The following HECW2 variants were observed in gnomAD, a reference collection of about 807,000 sequenced individuals.
HECW2 encodes HECT, C2 and WW domain containing E3 ubiquitin protein ligase 2.
A neutral mutation model predicts 175.2 loss-of-function variants in HECW2; 61 were observed. The observed-to-expected ratio is 0.35, with a 90% CI of 0.28 to 0.43. The LOEUF is 0.43. Ranked by LOEUF, HECW2 falls within the 20% of genes least tolerant of loss-of-function variation. The pLI is 1.00. For synonymous variants in HECW2, 671 were observed against 731.0 expected (o/e 0.92, Z 1.32); for missense variants, 1,524 against 2,000.5 (o/e 0.76, Z 4.54).
Position 196,319,812 on chromosome 2 carries a change from T to G in HECW2, c.1078A>C (p.Ser360Arg). ...GAGCACACCTGGCTGTCGTGATGGC[T>G]CCCTGGCATGTCCTCGTCATCGGAA... ...SPSDDEDMPGSHHDSQVCSNG... is the reference protein window; with the variant it reads ...SPSDDEDMPGRHHDSQVCSNG... The change falls in exon 9 of 29, where the codon AGC becomes CGC. Residue 360 changes from serine to arginine, a missense_variant. Physicochemically the swap from Ser to Arg is moderately radical, Grantham distance 110. Around this residue, in one of 11 missense-constraint regions of HECW2, gnomAD observed 604 missense variants for 588.3 expected, o/e 1.03. Transcript: ENST00000644978. 1 of 1,614,196 alleles carries G rather than the reference T, an allele frequency of 6.2e-7. No homozygotes were observed. Among genetic ancestry groups the G allele is most frequent in the South Asian group, 1.1e-5 (1 of 91,082 alleles).
At chr2:196,231,092 CAAAAAAA>C (rs10653412) in intron 21 of HECW2, among the ~76,000 whole-genome samples, 2 of 55,338 alleles carry the variant, frequency 3.6e-5, no homozygotes, top group African/African-American at 8.6e-5. Context: ...GACTCCGTCT[CAAAAAAA>C]AAAAAAAAAA....
intron 5 of HECW2, 94 bp from the exon 6 acceptor site, chr2:196,325,243 A>G: frequency 1.1e-6 from 1 of 911,256 alleles, no homozygotes; most frequent in Non-Finnish European, 1.7e-6. Context: ...GGGACAGAAG[A>G]AGGAAGGATT....
At chr2:196,552,838 A>G (rs1282158699) in intron 1 of HECW2, among the ~76,000 whole-genome samples, 1 of 152,216 alleles carries the variant, frequency 6.6e-6, no homozygotes, top group Non-Finnish European at 1.5e-5. Context: ...TGAATCAGGG[A>G]AAGGAACTTC....
intron 1 of HECW2, among the ~76,000 whole-genome samples, chr2:196,507,661 C>A (rs1371925384): frequency 6.6e-6 from 1 of 152,174 alleles, no homozygotes. Flanking sequence ...TCTCATTATA[C>A]CCACTGCAAC....
chr2:196,535,042 C>T (rs1035837021), intron 1 of HECW2, among the ~76,000 whole-genome samples: 1 of 139,196 alleles, frequency 7.2e-6, no homozygotes, highest in Admixed American at 7.0e-5. Flanking sequence ...AACAAATTGT[C>T]AATATAACAA....
At chr2:196,403,455 CAG>C (rs1694876477) in intron 2 of HECW2, among the ~76,000 whole-genome samples, 1 of 152,132 alleles carries the variant, frequency 6.6e-6, no homozygotes, top group Non-Finnish European at 1.5e-5. Context: ...ATGAGAGATA[CAG>C]TAAACACAAA....
At chr2:196,551,675 T>C (rs574999495) in intron 1 of HECW2, among the ~76,000 whole-genome samples, 165 of 152,336 alleles carry the variant, frequency 1.1e-3, no homozygotes, top group Non-Finnish European at 1.9e-3. Context: ...AAATACAGTA[T>C]CTGATAACTT....
chr2:196,214,674 G>T (rs1309810661), intron 28 of HECW2, among the ~76,000 whole-genome samples: 1 of 152,190 alleles, frequency 6.6e-6, no homozygotes, highest in Non-Finnish European at 1.5e-5. Flanking sequence ...TGCGTGTGGG[G>T]TGGCCAAGGA....
At chr2:196,422,506 A>G (rs1559101382) in intron 2 of HECW2, among the ~76,000 whole-genome samples, 1 of 152,090 alleles carries the variant, frequency 6.6e-6, no homozygotes, top group South Asian at 2.1e-4. Context: ...ATAATCTAAT[A>G]TGGAAAAAAT....
At chr2:196,417,124 T>TA in intron 2 of HECW2, among the ~76,000 whole-genome samples, 1 of 152,258 alleles carries the variant, frequency 6.6e-6, no homozygotes, top group Admixed American at 6.5e-5. Context: ...ATGAGACCGA[T>TA]AGAGTCAATG....
At chr2:196,580,138 A>G (rs1229274955) in intron 1 of HECW2, among the ~76,000 whole-genome samples, 1 of 152,208 alleles carries the variant, frequency 6.6e-6, no homozygotes, top group East Asian at 1.9e-4. Context: ...AAACATAATG[A>G]TTATAAACAT....
At chr2:196,486,361 TAGC>T (rs1411608630) in intron 1 of HECW2, among the ~76,000 whole-genome samples, 1 of 152,222 alleles carries the variant, frequency 6.6e-6, no homozygotes, top group Non-Finnish European at 1.5e-5. Flanking sequence ...CCAGTGGGAC[TAGC>T]AGTTACACAG....
chr2:196,432,081 T>G (rs1575535239), intron 2 of HECW2, among the ~76,000 whole-genome samples: 1 of 152,058 alleles, frequency 6.6e-6, no homozygotes, highest in African/African-American at 2.4e-5. Flanking sequence ...CATTGTTGGA[T>G]GTTTTACAGC....
intron 28 of HECW2, among the ~76,000 whole-genome samples, chr2:196,211,113 T>G (rs573050300): frequency 6.6e-6 from 1 of 152,276 alleles, no homozygotes; most frequent in South Asian, 2.1e-4. Flanking sequence ...TTTTCAAAAA[T>G]TAACGCTTTT....
chr2:196,447,481 AT>A (rs1209103931), intron 1 of HECW2, among the ~76,000 whole-genome samples: 4 of 152,222 alleles, frequency 2.6e-5, no homozygotes, highest in African/African-American at 9.6e-5. Context: ...CTGGTAAAAG[AT>A]TCAGGAATTC....
chr2:196,305,071 A>G (rs867616659), intron 13 of HECW2, among the ~76,000 whole-genome samples: 1 of 152,324 alleles, frequency 6.6e-6, no homozygotes, highest in South Asian at 2.1e-4. Flanking sequence ...TTTGGAGTTA[A>G]TCGTCCACTC....
At chr2:196,557,108 A>G (rs1689820331) in intron 1 of HECW2, among the ~76,000 whole-genome samples, 1 of 152,150 alleles carries the variant, frequency 6.6e-6, no homozygotes. Context: ...TTTAAAAATT[A>G]TGTCTGGCAG....
chr2:196,273,626 G>A (rs1689830841), intron 16 of HECW2, among the ~76,000 whole-genome samples: 1 of 152,004 alleles, frequency 6.6e-6, no homozygotes, highest in African/African-American at 2.4e-5. Flanking sequence ...TATTTTGTGA[G>A]GCTGCTACAG....
At chr2:196,404,991 AT>A (rs35158305) in intron 2 of HECW2, among the ~76,000 whole-genome samples, 17 of 141,604 alleles carry the variant, frequency 1.2e-4, no homozygotes, top group African/African-American at 3.4e-4. Context: ...CTCCCGGCAA[AT>A]TTTTTTTTTT....
Sources: gnomAD v4.1 joint callset for allele counts (sites outside exome capture counted in the v4.1 genomes callset) on GRCh38, gnomAD v4.1.1 for gene constraint, gnomAD v4.1.1 regional missense constraint, MANE v1.5 for transcripts, NCBI Gene and HGNC (gene_info 2026-07-23, HGNC 2026-07-21) for gene names.